UGT1A8: variants seen among roughly 807,000 people sequenced by gnomAD.
UGT1A8 encodes the protein UDP glucuronosyltransferase family 1 member A8.
In UGT1A8, 39 loss-of-function variants were observed where a neutral mutation model predicts 45.3. The ratio of observed to expected loss-of-function variants is 0.86; its 90% confidence interval spans 0.67 to 1.12. The LOEUF is 1.12. Among genes scored for constraint, UGT1A8 ranks in the 50% most tolerant of loss-of-function variants. The pLI is 0.00. For synonymous variants in UGT1A8, 275 were observed against 249.2 expected, an observed-to-expected ratio of 1.10 and a Z score of -0.97; for missense variants, 719 against 664.9, an observed-to-expected ratio of 1.08 and a Z score of -0.90.
At chr2:233,642,079 C>T (rs2073468110) in intron 1 of UGT1A8, among the ~76,000 whole-genome samples, 2 of 151,994 alleles carry the variant, frequency 1.3e-5, no homozygotes, top group Admixed American at 6.6e-5. Context: ...TGTTATTATC[C>T]CTTTGAATAA....
intron 1 of UGT1A8, among the ~76,000 whole-genome samples, chr2:233,640,099 A>G (rs2073412468): frequency 6.6e-6 from 1 of 152,312 alleles, no homozygotes; most frequent in Non-Finnish European, 1.5e-5. Flanking sequence ...TTGCTCTAAG[A>G]TTCTGGCTAT....
intron 1 of UGT1A8, among the ~76,000 whole-genome samples, chr2:233,633,265 A>T (rs1443934627): frequency 6.6e-6 from 1 of 152,102 alleles, no homozygotes; most frequent in Admixed American, 6.6e-5. Flanking sequence ...TATTGGCCTG[A>T]AATTTTTTTG....
At chr2:233,637,820 A>G (rs528993264) in intron 1 of UGT1A8, among the ~76,000 whole-genome samples, 1 of 152,328 alleles carries the variant, frequency 6.6e-6, no homozygotes, top group South Asian at 2.1e-4. Flanking sequence ...ATTGGGCTGA[A>G]CATATTCTTC....
intron 1 of UGT1A8, among the ~76,000 whole-genome samples, chr2:233,675,421 T>C (rs769866030): frequency 2.2e-4 from 34 of 152,220 alleles, no homozygotes; most frequent in Non-Finnish European, 4.6e-4. Flanking sequence ...ACAGAATTAA[T>C]GACTGGTTTT....
chr2:233,669,338 A>G (rs1333808695), intron 1 of UGT1A8, among the ~76,000 whole-genome samples: 1 of 152,088 alleles, frequency 6.6e-6, no homozygotes, highest in African/African-American at 2.4e-5. Context: ...CAGTTTGCCA[A>G]TTTGTACAAA....
intron 1 of UGT1A8, among the ~76,000 whole-genome samples, chr2:233,738,054 T>A (rs1271944980): frequency 6.6e-6 from 1 of 152,146 alleles, no homozygotes; most frequent in African/African-American, 2.4e-5. Flanking sequence ...GGACAGGACA[T>A]GGTGGGAGGT....
At chr2:233,635,074 T>C (rs930940290) in intron 1 of UGT1A8, among the ~76,000 whole-genome samples, 1 of 150,980 alleles carries the variant, frequency 6.6e-6, no homozygotes, top group African/African-American at 2.5e-5. Flanking sequence ...TTAGTTTGGC[T>C]GGATATGAAA....
At chr2:233,634,965 C>A (rs928439124) in intron 1 of UGT1A8, among the ~76,000 whole-genome samples, 4 of 150,274 alleles carry the variant, frequency 2.7e-5, no homozygotes, top group African/African-American at 9.8e-5. Context: ...ATATTTAGTG[C>A]TTCCTTCAGG....
At chr2:233,730,473 C>T (rs1012603500) in intron 1 of UGT1A8, among the ~76,000 whole-genome samples, 5 of 152,168 alleles carry the variant, frequency 3.3e-5, no homozygotes, top group African/African-American at 4.8e-5. Flanking sequence ...GAGACCTAGG[C>T]ACTCACATGA....
chr2:233,671,603 T>C (rs2741046), intron 1 of UGT1A8, among the ~76,000 whole-genome samples: 32,907 of 152,178 alleles, frequency 0.22, 4,573 homozygotes, highest in South Asian at 0.33. Flanking sequence ...CAAATTTACT[T>C]TTACTTTATC....
chr2:233,762,543 G>A (rs1248994186), intron 1 of UGT1A8, among the ~76,000 whole-genome samples: 10 of 152,184 alleles, frequency 6.6e-5, no homozygotes, highest in Admixed American at 6.5e-4. Flanking sequence ...GTACCACAGT[G>A]TATTCTGCTG....
chr2:233,752,764 A>C (rs1695055831), intron 1 of UGT1A8, among the ~76,000 whole-genome samples: 1 of 152,262 alleles, frequency 6.6e-6, no homozygotes, highest in Non-Finnish European at 1.5e-5. Flanking sequence ...CAAACAAACA[A>C]ACAAACAATA....
At chr2:233,760,330 C>G (rs2125982719) in intron 1 of UGT1A8, 1 of 1,614,052 alleles carries the variant, frequency 6.2e-7, no homozygotes. Flanking sequence ...TGTCCTGGGC[C>G]TGCTGCTGTG....
chr2:233,647,855 C>T, intron 1 of UGT1A8: 1 of 1,288,646 alleles, frequency 7.8e-7, no homozygotes, highest in Middle Eastern at 2.7e-4. Flanking sequence ...TGGTTTTCTC[C>T]ATTGTTTTTC....
At position 233,721,294 on chromosome 2, in the gene UGT1A8, T is replaced by C. The variant is rs555243942; in HGVS notation, c.856-45740T>C. On this transcript the variant is annotated intron_variant, in intron 1 of 4. Coordinates refer to ENST00000373450, the MANE Select transcript of UGT1A8 (RefSeq NM_019076.5). ...AAAAATGTGGAAAATTAGGAAGGCATTTGAATAGTGATTGTGGCTCTTTTC... is the reference window on the plus strand; with the variant it reads ...AAAAATGTGGAAAATTAGGAAGGCACTTGAATAGTGATTGTGGCTCTTTTC... Among the ~76,000 whole-genome samples, 3 of 152,308 alleles carry C rather than the reference T, an allele frequency of 2.0e-5. No homozygotes were observed. In the East Asian group the frequency reaches 5.8e-4, roughly 29 times the overall value.
chr2:233,620,855 G>A (rs911902004), intron 1 of UGT1A8, among the ~76,000 whole-genome samples: 2 of 152,182 alleles, frequency 1.3e-5, no homozygotes, highest in African/African-American at 2.4e-5. Flanking sequence ...ATATGTCTGG[G>A]AAAAGCATGC....
intron 1 of UGT1A8, among the ~76,000 whole-genome samples, chr2:233,697,142 G>T (rs537763582): frequency 1.3e-5 from 2 of 152,092 alleles, no homozygotes; most frequent in East Asian, 3.9e-4. Flanking sequence ...GTAATAGTTT[G>T]AGTGGAACTG....
rs576793496 is a variant in UGT1A8 at position 233,672,438 on chromosome 2, C to T, written c.855+53876C>T. ...ATTTCTCCCTCCCCTCCGTGGTCTT[C>T]GCCAGGGGAATACTTTGCCACTATC... On this transcript the variant is annotated intron_variant, in intron 1 of 4. Coordinates refer to ENST00000373450, the MANE Select transcript of UGT1A8 (RefSeq NM_019076.5). The T allele has an allele frequency of 2.0e-5, 32 of 1,613,930 alleles. No homozygotes were observed. In the Admixed American group the frequency reaches 4.2e-4, roughly 21 times the overall value.
chr2:233,674,537 T>A (rs2741050), intron 1 of UGT1A8, among the ~76,000 whole-genome samples: 93,609 of 151,996 alleles, frequency 0.62, 29,092 homozygotes, highest in South Asian at 0.65. Flanking sequence ...CCAGAGGCCT[T>A]TAGAGATATA....
Sources: gnomAD v4.1 joint callset for allele counts (sites outside exome capture counted in the v4.1 genomes callset) on GRCh38, gnomAD v4.1.1 for gene constraint, MANE v1.5 for transcripts, NCBI Gene and HGNC (gene_info 2026-07-23, HGNC 2026-07-21) for gene names.